Variants in FOCAD observed in about 807,000 individuals in gnomAD.
The protein encoded by FOCAD is KIAA1797.
In FOCAD, 198 loss-of-function variants were observed where a neutral mutation model predicts 225.6. That is an observed-to-expected ratio of 0.88 (90% CI 0.78 to 0.99). The LOEUF (loss-of-function observed/expected upper bound fraction) is 0.99, where lower values mean the gene tolerates loss of function less well. Ranked by LOEUF, FOCAD falls within the 50% of genes least tolerant of loss-of-function variation. FOCAD has a pLI of 0.00. For missense variants in FOCAD, 2,713 were observed against 2,123.6 expected, an observed-to-expected ratio of 1.28 and a Z score of -5.46; for synonymous variants, 897 against 755.0, an observed-to-expected ratio of 1.19 and a Z score of -3.08.
At chr9:20,943,424 G>A (rs1836866335) in intron 28 of FOCAD, among the ~76,000 whole-genome samples, 2 of 151,364 alleles carry the variant, frequency 1.3e-5, no homozygotes, top group Admixed American at 1.3e-4. Flanking sequence ...GGGGCTTTGG[G>A]TTTGGCAGAT....
chr9:20,730,687 C>T (rs1315727913), intron 4 of FOCAD, among the ~76,000 whole-genome samples: 1 of 152,100 alleles, frequency 6.6e-6, no homozygotes, highest in Non-Finnish European at 1.5e-5. Flanking sequence ...CCAAATAGGA[C>T]TTCTTGCCCC....
Position 20,926,416 on chromosome 9 carries a change from A to T in FOCAD, c.3077A>T (p.Tyr1026Phe). The change falls in exon 26 of 44, where the codon TAT (tyrosine) becomes TTT (phenylalanine). Residue 1026 changes from tyrosine (Y) to phenylalanine (F), a missense_variant and splice_region_variant. Coordinates refer to ENST00000338382, the MANE Select transcript of FOCAD (RefSeq NM_001375567.1). ...PRGQLLSWFY[Y>F]KSYSGENTAS... ...GGGCAACTTCTCTCCTGGTTTTATT[A>T]TGTAAGTGCAAAAAATAAAAAATGA... is the stretch of plus-strand genomic sequence containing the variant. 1 of 1,542,906 alleles carries T rather than the reference A, an allele frequency of 6.5e-7. No individual in the cohort carries two copies. Among genetic ancestry groups the T allele is most frequent in the Non-Finnish European group, 9.0e-7 (1 of 1,115,716 alleles).
rs1819395655 is a variant in FOCAD, at chr9:20,781,791, G to C, written c.1059G>C (p.Met353Ile). Residue 353 changes from methionine to isoleucine, a missense_variant, in exon 10 of 44, where the codon ATG (methionine) becomes ATC (isoleucine). Physicochemically the swap from Met to Ile is conservative, Grantham distance 10. Transcript: ENST00000338382. ...KIPKSSLLLVMPILQILSSTA... is the reference protein window; with the variant it reads ...KIPKSSLLLVIPILQILSSTA... ...CAAAGTCCTCTCTGCTGCTAGTGAT[G>C]CCAATTCTGCAGATACTATCTTCTA... 1 of 1,614,084 alleles carries C rather than the reference G, an allele frequency of 6.2e-7. No homozygotes were observed. Among genetic ancestry groups the C allele is most frequent in the African/African-American group, 1.3e-5 (1 of 75,050 alleles).
At chr9:20,986,117 A>T (rs1022412900) in intron 39 of FOCAD, among the ~76,000 whole-genome samples, 171 bp from the exon 40 acceptor site, 1 of 152,090 alleles carries the variant, frequency 6.6e-6, no homozygotes, top group East Asian at 1.9e-4. Context: ...ACAACCCTCT[A>T]TTGTATGCTC....
intron 2 of FOCAD, among the ~76,000 whole-genome samples, chr9:20,668,786 G>C (rs565002647): frequency 7.9e-5 from 12 of 152,244 alleles, no homozygotes; most frequent in Middle Eastern, 3.4e-3. Flanking sequence ...CAAATAATAG[G>C]AATGAAGTAG....
intron 11 of FOCAD, among the ~76,000 whole-genome samples, chr9:20,806,502 A>G (rs891352538): frequency 1.3e-5 from 2 of 152,208 alleles, no homozygotes; most frequent in African/African-American, 4.8e-5. Flanking sequence ...GACAAGCTAC[A>G]GAACAAGAAT....
intron 28 of FOCAD, among the ~76,000 whole-genome samples, chr9:20,937,739 T>TA (rs934002881): frequency 6.6e-6 from 1 of 151,706 alleles, no homozygotes; most frequent in African/African-American, 2.4e-5. Context: ...GGGATCTAAT[T>TA]AAACTAAAGA....
chr9:20,716,251 A>G (rs79816418), intron 2 of FOCAD: 10,457 of 365,110 alleles, frequency 0.029, 206 homozygotes, highest in Middle Eastern at 0.068. Context: ...TACTATTCAC[A>G]GTTTTATTTT....
chr9:20,690,906 A>AT (rs34441239), intron 1 of FOCAD, among the ~76,000 whole-genome samples: 12,992 of 141,214 alleles, frequency 0.092, 711 homozygotes, highest in African/African-American at 0.15. Context: ...ACCTGTCAGC[A>AT]TTTTTTTTTT....
intron 15 of FOCAD, among the ~76,000 whole-genome samples, chr9:20,848,507 A>G (rs1156969716): frequency 6.6e-6 from 1 of 151,848 alleles, no homozygotes; most frequent in Non-Finnish European, 1.5e-5. Flanking sequence ...TTTCCATGGG[A>G]TTCTAGTTTC....
At chr9:20,810,052 A>G (rs1221970406) in intron 11 of FOCAD, among the ~76,000 whole-genome samples, 1 of 152,174 alleles carries the variant, frequency 6.6e-6, no homozygotes, top group Non-Finnish European at 1.5e-5. Context: ...AGCTGTAACC[A>G]TGCTTAAGAT....
intron 11 of FOCAD, among the ~76,000 whole-genome samples, chr9:20,813,654 G>A (rs927566345): frequency 1.3e-5 from 2 of 152,160 alleles, no homozygotes; most frequent in African/African-American, 4.8e-5. Flanking sequence ...CTCACACGTG[G>A]TCCATCCTAG....
At chr9:20,952,869 T>C in intron 34 of FOCAD, 116 bp from the exon 35 acceptor site, 1 of 771,860 alleles carries the variant, frequency 1.3e-6, no homozygotes. Flanking sequence ...CTGAGATTAA[T>C]GGCATAAACA....
At chr9:20,835,850 G>C (rs977777988) in intron 15 of FOCAD, among the ~76,000 whole-genome samples, 2 of 152,044 alleles carry the variant, frequency 1.3e-5, no homozygotes, top group African/African-American at 4.8e-5. Flanking sequence ...CCAGCTCCAA[G>C]AGGGTGCTAT....
intron 37 of FOCAD, 31 bp from the exon 38 acceptor site, chr9:20,981,395 T>G: frequency 6.2e-7 from 1 of 1,607,934 alleles, no homozygotes; most frequent in Non-Finnish European, 8.5e-7. Context: ...ACTTGCCTAT[T>G]TACATTCAAC....
chr9:20,875,377 G>C (rs746638676), intron 19 of FOCAD: 1 of 152,460 alleles, frequency 6.6e-6, no homozygotes, highest in Non-Finnish European at 1.5e-5. Context: ...GATGGCTCAC[G>C]CCTGTAATCC....
At chr9:20,938,056 C>T (rs1458626076) in intron 28 of FOCAD, among the ~76,000 whole-genome samples, 3 of 151,844 alleles carry the variant, frequency 2.0e-5, no homozygotes, top group Non-Finnish European at 2.9e-5. Flanking sequence ...GTTAGAATGG[C>T]AATCATTAAA....
chr9:20,888,616 G>C (rs987541353), intron 21 of FOCAD, among the ~76,000 whole-genome samples: 2 of 151,920 alleles, frequency 1.3e-5, no homozygotes, highest in Non-Finnish European at 2.9e-5. Flanking sequence ...ATTGAGGTAT[G>C]GTATGGTTTG....
chr9:20,823,203 T>C, intron 15 of FOCAD, 88 bp downstream of exon 15: 1 of 1,383,298 alleles, frequency 7.2e-7, no homozygotes, highest in Non-Finnish European at 9.7e-7. Context: ...TAGATTCAAA[T>C]AACTGAAGTC....
Sources: gnomAD v4.1 joint callset for allele counts (sites outside exome capture counted in the v4.1 genomes callset) on GRCh38, gnomAD v4.1.1 for gene constraint, MANE v1.5 for transcripts, NCBI Gene and HGNC (gene_info 2026-07-23, HGNC 2026-07-21) for gene names.